The following NELL1 variants were observed in gnomAD, a reference collection of about 807,000 sequenced individuals.
NELL1 encodes the protein neural EGFL like 1, also known as protein kinase C-binding protein NELL1.
A neutral mutation model predicts 107.4 loss-of-function variants in NELL1; 76 were observed. The observed-to-expected ratio is 0.71, with a 90% CI of 0.59 to 0.86. The LOEUF is 0.86. Among genes scored for constraint, NELL1 ranks in the 40% least tolerant of loss-of-function variants. The pLI, the probability that NELL1 is intolerant of heterozygous loss-of-function variation, is 0.00. For missense variants in NELL1, 1,024 were observed against 1,005.5 expected, an observed-to-expected ratio of 1.02 and a Z score of -0.25; for synonymous variants, 353 against 341.2, an observed-to-expected ratio of 1.03 and a Z score of -0.38.
chr11:20,914,749 G>A (rs1429497282), intron 5 of NELL1, among the ~76,000 whole-genome samples: 1 of 151,920 alleles, frequency 6.6e-6, no homozygotes, highest in Non-Finnish European at 1.5e-5. Context: ...ATATAGCCTA[G>A]GATTAAGGTA....
At chr11:20,784,482 G>GAACATAAGTAAGTAAGTAAGTAA (rs1856914803) in intron 3 of NELL1, among the ~76,000 whole-genome samples, 1 of 152,258 alleles carries the variant, frequency 6.6e-6, no homozygotes, top group East Asian at 1.9e-4. Flanking sequence ...GCAACACATG[G>GAACATAAGTAAGTAAGTAAGTAA]GTAGGTAAGT....
intron 14 of NELL1, among the ~76,000 whole-genome samples, chr11:21,271,755 T>C (rs965159992): frequency 6.6e-6 from 1 of 152,180 alleles, no homozygotes; most frequent in African/African-American, 2.4e-5. Flanking sequence ...CTCCGACAGT[T>C]ATTTAAAAAA....
chr11:21,290,388 AAAAT>A (rs1554995031), intron 14 of NELL1, among the ~76,000 whole-genome samples: 1 of 107,328 alleles, frequency 9.3e-6, no homozygotes, highest in African/African-American at 3.6e-5. Context: ...ATAAATAAAT[AAAAT>A]AAATAGATAA....
intron 7 of NELL1, among the ~76,000 whole-genome samples, chr11:20,925,438 C>CTTT: frequency 8.2e-6 from 1 of 122,250 alleles, no homozygotes; most frequent in Non-Finnish European, 1.7e-5. Context: ...CCACACCCGG[C>CTTT]TTTTTTTTTT....
intron 14 of NELL1, among the ~76,000 whole-genome samples, chr11:21,243,759 C>T (rs774277051): frequency 3.9e-5 from 6 of 152,004 alleles, no homozygotes; most frequent in Non-Finnish European, 7.4e-5. Context: ...TTCAGACTAG[C>T]GACATTTCAA....
At chr11:21,111,460 A>C (rs1171776123) in intron 12 of NELL1, among the ~76,000 whole-genome samples, 2 of 152,032 alleles carry the variant, frequency 1.3e-5, no homozygotes, top group South Asian at 2.1e-4. Flanking sequence ...TAACTTTTGT[A>C]GTCATTCTCT....
At chr11:21,447,372 AT>A (rs909450954) in intron 15 of NELL1, among the ~76,000 whole-genome samples, 1 of 152,022 alleles carries the variant, frequency 6.6e-6, no homozygotes, top group Non-Finnish European at 1.5e-5. Context: ...ATAGCTGTGT[AT>A]GTGCTGAGTC....
Position 20,790,679 on chromosome 11 carries a change from G to A in NELL1, c.335+6849G>A, listed in dbSNP as rs557633629. 2.0e-5 allele frequency among the ~76,000 whole-genome samples: 3 copies of A among 152,174 alleles called. No homozygotes were observed. The East Asian group carries it at 5.8e-4, about 29-fold the overall frequency. On this transcript the variant is annotated intron_variant, in intron 3 of 19. Transcript: ENST00000357134. ...CCTGCTCTGTGGAGTGGGAGGTCTA[G>A]ATCTGCAGCCATGACTTGGGCCCTG...
chr11:20,852,587 C>T (rs1848812959), intron 4 of NELL1, among the ~76,000 whole-genome samples: 1 of 152,096 alleles, frequency 6.6e-6, no homozygotes, highest in Admixed American at 6.5e-5. Context: ...TAATGCATGA[C>T]ATTGGTTTTA....
chr11:21,132,340 G>A (rs555711815), intron 13 of NELL1, among the ~76,000 whole-genome samples: 34 of 152,284 alleles, frequency 2.2e-4, no homozygotes, highest in African/African-American at 6.7e-4. Flanking sequence ...GGAGCCTCCC[G>A]TCTAAGTATT....
intron 5 of NELL1, among the ~76,000 whole-genome samples, chr11:20,909,864 G>C (rs943649100): frequency 6.6e-6 from 1 of 152,060 alleles, no homozygotes; most frequent in African/African-American, 2.4e-5. Flanking sequence ...TATTTTAAGT[G>C]CTAGGGTACA....
intron 15 of NELL1, among the ~76,000 whole-genome samples, chr11:21,395,678 TA>T (rs1851964617): frequency 1.3e-5 from 2 of 151,500 alleles, no homozygotes; most frequent in South Asian, 4.1e-4. Context: ...TTTACTAGTA[TA>T]CAGGAAATAA....
At chr11:21,550,193 T>A (rs562579986) in intron 16 of NELL1, among the ~76,000 whole-genome samples, 52 of 152,090 alleles carry the variant, frequency 3.4e-4, no homozygotes, top group African/African-American at 1.0e-3. Flanking sequence ...CCTTGAGTCA[T>A]TAGAAAAAAT....
chr11:21,351,747 A>G (rs985430521), intron 14 of NELL1, among the ~76,000 whole-genome samples: 1 of 152,078 alleles, frequency 6.6e-6, no homozygotes, highest in African/African-American at 2.4e-5. Context: ...TTATTGTAAT[A>G]GCTTTTAACT....
At chr11:20,900,983 A>G (rs1313585067) in intron 5 of NELL1, among the ~76,000 whole-genome samples, 1 of 152,114 alleles carries the variant, frequency 6.6e-6, no homozygotes, top group Non-Finnish European at 1.5e-5. Flanking sequence ...TAAATTGATA[A>G]AAGTACATGA....
At chr11:21,324,035 C>A (rs1850072237) in intron 14 of NELL1, among the ~76,000 whole-genome samples, 1 of 152,052 alleles carries the variant, frequency 6.6e-6, no homozygotes, top group Non-Finnish European at 1.5e-5. Flanking sequence ...CATCTTTTGC[C>A]AAATAGTAAG....
At chr11:21,389,676 A>G (rs779434935) in intron 15 of NELL1, among the ~76,000 whole-genome samples, 7 of 151,896 alleles carry the variant, frequency 4.6e-5, no homozygotes, top group Non-Finnish European at 1.0e-4. Context: ...GAATCAGACT[A>G]TAAGGCCTGT....
chr11:21,145,874 G>A (rs948190397), intron 13 of NELL1, among the ~76,000 whole-genome samples: 2 of 152,098 alleles, frequency 1.3e-5, no homozygotes, highest in Non-Finnish European at 2.9e-5. Context: ...ACAACCTCAG[G>A]GGTCTACTTC....
chr11:21,314,251 C>A (rs1327860663), intron 14 of NELL1, among the ~76,000 whole-genome samples: 1 of 152,082 alleles, frequency 6.6e-6, no homozygotes, highest in Non-Finnish European at 1.5e-5. Flanking sequence ...GGCCCAATCA[C>A]TTTTAAATAC....
Sources: allele counts gnomAD v4.1 joint callset (sites outside exome capture counted in the v4.1 genomes callset), GRCh38; gene constraint gnomAD v4.1.1; transcripts MANE v1.5; gene names NCBI Gene and HGNC (gene_info 2026-07-23, HGNC 2026-07-21).